NRAP: variants seen among roughly 807,000 people sequenced by gnomAD.
NRAP encodes the protein nebulin related anchoring protein.
In NRAP, 189 loss-of-function variants were observed where a neutral mutation model predicts 225.9. The ratio of observed to expected loss-of-function variants is 0.84; its 90% confidence interval spans 0.74 to 0.94. The LOEUF is 0.94. Among genes scored for constraint, NRAP ranks in the 40% least tolerant of loss-of-function variants. The probability of loss-of-function intolerance (pLI) is 0.00; values close to 1 mark genes in which losing one functional copy is unlikely to be tolerated. For synonymous variants in NRAP, 769 were observed against 790.7 expected, an observed-to-expected ratio of 0.97 and a Z score of 0.46; for missense variants, 2,176 against 2,168.7, an observed-to-expected ratio of 1.00 and a Z score of -0.07.
At chr10:113,646,882 C>T in intron 10 of NRAP, 41 bp downstream of exon 10, 1 of 1,341,874 alleles carries the variant, frequency 7.5e-7, no homozygotes, top group Admixed American at 1.7e-5. Flanking sequence ...AGTCTCACTT[C>T]TCTGCCTCTG....
chr10:113,607,442 G>GA (rs1291240852), intron 32 of NRAP, among the ~76,000 whole-genome samples: 14 of 96,430 alleles, frequency 1.5e-4, no homozygotes, highest in African/African-American at 4.8e-4. Context: ...AAAAAGAAAA[G>GA]AAAGAAAGAA....
intron 32 of NRAP, among the ~76,000 whole-genome samples, chr10:113,607,389 G>A (rs1297391182): frequency 1.2e-4 from 9 of 75,656 alleles, no homozygotes; most frequent in East Asian, 1.0e-3. Flanking sequence ...GTGAAAGAGC[G>A]AAACTCCGTC....
intron 35 of NRAP, among the ~76,000 whole-genome samples, chr10:113,600,442 A>T (rs1035840219): frequency 2.0e-5 from 3 of 152,080 alleles, no homozygotes; most frequent in South Asian, 4.1e-4. Flanking sequence ...AGCTTCCCAA[A>T]ATGTGGGATT....
chr10:113,623,054 G>A (rs546585529), intron 23 of NRAP, among the ~76,000 whole-genome samples: 54 of 152,236 alleles, frequency 3.5e-4, no homozygotes, highest in African/African-American at 1.2e-3. Context: ...ATTCCATTTC[G>A]TTGTCATTAT....
chr10:113,657,778 G>C (rs1466330885), intron 3 of NRAP, among the ~76,000 whole-genome samples: 2 of 152,190 alleles, frequency 1.3e-5, no homozygotes, highest in Non-Finnish European at 2.9e-5. Context: ...AGCACCTGCT[G>C]TGTGTGAAGC....
At chr10:113,612,199 G>A (rs765926040) in intron 30 of NRAP, 35 bp downstream of exon 30, 2 of 1,581,424 alleles carry the variant, frequency 1.3e-6, no homozygotes, top group South Asian at 2.2e-5. Flanking sequence ...CCTAAGAGAA[G>A]AAGGGGCCCT....
rs570877300 is a variant in NRAP at position 113,612,050 on chromosome 10, G to T, written c.3498+184C>A. 5.9e-4 allele frequency among the ~76,000 whole-genome samples: 90 copies of T among 152,318 alleles called. 1 individual carries two copies. The highest frequency in any genetic ancestry group is 2.0e-3 in the African/African-American group (82 of 41,572). On this transcript the variant is annotated intron_variant, in intron 30 of 41. Coordinates refer to ENST00000359988, the MANE Select transcript of NRAP (RefSeq NM_198060.4). ...GCAAAAAATAATAAATTGTGGTTAT[G>T]ATTAGATTTGTGTAACTGTGCTTAA...
intron 31 of NRAP, among the ~76,000 whole-genome samples, chr10:113,608,985 C>A (rs1455014512): frequency 2.6e-5 from 4 of 152,114 alleles, no homozygotes; most frequent in Non-Finnish European, 5.9e-5. Context: ...ATGGCGAAAC[C>A]CTGTCTCTAC....
chr10:113,641,405 C>A lies in NRAP; in HGVS notation c.1283G>T (p.Arg428Leu). The A allele has an allele frequency of 6.2e-7, 1 of 1,613,724 alleles. No homozygotes were observed. The highest frequency in any genetic ancestry group is 8.5e-7 in the Non-Finnish European group (1 of 1,179,724). ...GRYEGVGMDR[R>L]TLHAMKVGSL... is the part of the protein sequence containing the mutation. The stretch of plus-strand genomic sequence containing the variant: ...GCCAACTTTCATAGCATGCAGAGTG[C>A]GTCTGTCCATACCAACTCCTTCATA... Residue 428 changes from arginine (R) to leucine (L), a missense_variant, in exon 13 of 42, where the codon CGC (arginine) becomes CTC (leucine). Around this residue, in one of 3 missense-constraint regions of NRAP, gnomAD observed 1,708 missense variants for 1,695.5 expected, o/e 1.01. Coordinates refer to ENST00000359988, the MANE Select transcript of NRAP (RefSeq NM_198060.4).
intron 20 of NRAP, among the ~76,000 whole-genome samples, chr10:113,628,620 T>C (rs1326164075): frequency 6.6e-6 from 1 of 152,218 alleles, no homozygotes; most frequent in Non-Finnish European, 1.5e-5. Flanking sequence ...GCTGCTCACC[T>C]AAGAAGTGCT....
intron 25 of NRAP, among the ~76,000 whole-genome samples, chr10:113,620,341 G>C (rs1366791140): frequency 6.6e-6 from 1 of 152,078 alleles, no homozygotes; most frequent in East Asian, 1.9e-4. Context: ...AAGGTAAGTT[G>C]GTGGGTAGCA....
intron 31 of NRAP, 105 bp downstream of exon 31, chr10:113,610,354 T>TAAAA: frequency 2.0e-5 from 8 of 397,258 alleles, no homozygotes; most frequent in East Asian, 4.5e-5. Context: ...CATCTCAAAT[T>TAAAA]AAAAAAAAAA....
In NRAP at chr10:113,663,999, G is replaced by C. The variant is rs147201284; in HGVS notation, c.-117C>G. 6.8e-6 allele frequency: 5 copies of C among 731,308 alleles called. No homozygotes were observed. The highest frequency in any genetic ancestry group is 1.2e-5 in the Non-Finnish European group (5 of 416,208). 45.3% of individuals were successfully genotyped at this position (731,308 alleles called of 1,614,324 possible). A position where few individuals can be genotyped will look rare whatever the true frequency, so the allele number is the denominator to read the frequency against. On this transcript the variant is annotated 5_prime_UTR_variant, in exon 1 of 42. The change creates a new upstream start codon in the 5' untranslated region. Transcript: ENST00000359988. Reference sequence around the variant, plus strand: ...ACCATAAAATTCCTGTGGGCACCTCGATCTTTCAGAATCCAACTTCCACTT... The same window carrying C: ...ACCATAAAATTCCTGTGGGCACCTCCATCTTTCAGAATCCAACTTCCACTT...
At position 113,646,930 on chromosome 10, in the gene NRAP, G is replaced by T; in HGVS notation, c.986C>A (p.Ala329Asp). The T allele has an allele frequency of 6.2e-7, 1 of 1,611,300 alleles. No homozygotes were observed. The highest frequency in any genetic ancestry group is 8.5e-7 in the Non-Finnish European group (1 of 1,177,388). ...YQNAKKAHEL[A>D]SDIKYRQDFN... ...CACCTACATGGTACTTACGTCACTA[G>T]CGAGTTCGTGAGCTTTCTTGGCGTT... Residue 329 changes from alanine to aspartate, a missense_variant, in exon 10 of 42, where the codon GCT (alanine) becomes GAT (aspartate). Coordinates refer to ENST00000359988, the MANE Select transcript of NRAP (RefSeq NM_198060.4).
chr10:113,651,492 C>A (rs1849962940), intron 7 of NRAP, among the ~76,000 whole-genome samples: 2 of 152,106 alleles, frequency 1.3e-5, no homozygotes, highest in African/African-American at 4.8e-5. Flanking sequence ...CTGTCCCTCC[C>A]CTCAACTCCC....
At chr10:113,631,643 A>C in intron 17 of NRAP, 33 bp from the exon 18 acceptor site, 1 of 1,427,964 alleles carries the variant, frequency 7.0e-7, no homozygotes, top group Non-Finnish European at 9.8e-7. Flanking sequence ...ACTGTGAGTG[A>C]GAGAGAAACT....
intron 11 of NRAP, among the ~76,000 whole-genome samples, chr10:113,644,056 G>A (rs1237587342): frequency 2.1e-5 from 3 of 144,978 alleles, no homozygotes; most frequent in Non-Finnish European, 4.5e-5. Context: ...GCTGAGGAAG[G>A]GGAATCGCTT....
At chr10:113,627,286 T>C (rs924314079) in intron 20 of NRAP, among the ~76,000 whole-genome samples, 30 of 152,220 alleles carry the variant, frequency 2.0e-4, no homozygotes, top group African/African-American at 7.0e-4. Flanking sequence ...TAACCCAGAC[T>C]ATGCATTGGT....
intron 14 of NRAP, among the ~76,000 whole-genome samples, chr10:113,635,264 G>A (rs1400279659): frequency 6.6e-6 from 1 of 152,234 alleles, no homozygotes; most frequent in Non-Finnish European, 1.5e-5. Context: ...CTTGGGCAGT[G>A]AAGTAAAGGA....
Sources: allele counts gnomAD v4.1 joint callset (sites outside exome capture counted in the v4.1 genomes callset), GRCh38; gene constraint gnomAD v4.1.1; regional missense constraint gnomAD v4.1.1; transcripts MANE v1.5; gene names NCBI Gene and HGNC (gene_info 2026-07-23, HGNC 2026-07-21).